The following SPATA20 variants were observed in gnomAD, a reference collection of about 807,000 sequenced individuals.
SPATA20 encodes spermatogenesis associated 20.
In SPATA20, 74 loss-of-function variants were observed where a neutral mutation model predicts 98.9. The ratio of observed to expected loss-of-function variants is 0.75; its 90% CI spans 0.62 to 0.91. SPATA20 has a LOEUF of 0.91. Among genes scored for constraint, SPATA20 ranks in the 40% least tolerant of loss-of-function variants. The probability of loss-of-function intolerance (pLI) is 0.00; values close to 1 mark genes in which losing one functional copy is unlikely to be tolerated. For missense variants in SPATA20, 1,016 were observed against 1,069.8 expected, an observed-to-expected ratio of 0.95 and a Z score of 0.70; for synonymous variants, 430 against 440.5, an observed-to-expected ratio of 0.98 and a Z score of 0.30.
Position 50,551,662 on chromosome 17 carries a change from G to T in SPATA20, c.1728G>T (p.Gly576=). The change falls in exon 13 of 17, where the codon GGG becomes GGT. Residue 576 remains glycine, a synonymous_variant. Coordinates refer to ENST00000006658, the MANE Select transcript of SPATA20 (RefSeq NM_022827.4). ...RLMRTCYTGP[G]GTVEHSNPPC... ...TGCGGACCTGCTACACCGGCCCTGG[G>T]GGGACTGTGGAGCACAGGTTGGGGG... The T allele has an allele frequency of 6.3e-7, 1 of 1,590,964 alleles. No homozygotes were observed. The highest frequency in any genetic ancestry group is 8.6e-7 in the Non-Finnish European group (1 of 1,161,492).
chr17:50,553,499 C>T (rs2035047700), intron 14 of SPATA20, among the ~76,000 whole-genome samples: 1 of 151,632 alleles, frequency 6.6e-6, no homozygotes, highest in African/African-American at 2.4e-5. Flanking sequence ...ACAGGCAGGG[C>T]CCGCGTGTTC....
At position 50,549,975 on chromosome 17, in the gene SPATA20, G is replaced by GC. The variant is rs2034984274; in HGVS notation, c.863-5dup. The GC allele has an allele frequency of 6.5e-7, 1 of 1,529,882 alleles. No individual in the cohort carries two copies. The highest frequency in any genetic ancestry group is 2.0e-5 in the Admixed American group (1 of 49,924). The allele number at this position is 1,529,882 out of a possible 1,614,324, so 94.8% of individuals were successfully genotyped here. Reference sequence around the variant, plus strand: ...ATTCTCTCACCTGCATGTTCTTGGTGCCCCCACAGTGATCCTGAGCTTCCT... The same window carrying GC: ...ATTCTCTCACCTGCATGTTCTTGGTGCCCCCCACAGTGATCCTGAGCTTCCT... On this transcript the variant is annotated splice_polypyrimidine_tract_variant and intron_variant, in intron 7 of 16. Coordinates refer to ENST00000006658, the MANE Select transcript of SPATA20 (RefSeq NM_022827.4).
At chr17:50,549,537 A>G (rs1351325262) in intron 7 of SPATA20, 50 bp downstream of exon 7, 8 of 1,564,476 alleles carry the variant, frequency 5.1e-6, no homozygotes, top group Admixed American at 1.8e-5. Context: ...TCTGATTCCT[A>G]TGCTGGTCAG....
chr17:50,552,725 C>A (rs903260001), intron 14 of SPATA20, among the ~76,000 whole-genome samples: 2 of 151,072 alleles, frequency 1.3e-5, no homozygotes, highest in African/African-American at 4.9e-5. Context: ...CCATGCCTGG[C>A]TAATTTTTTG....
At chr17:50,549,722 C>T (rs1418196608) in intron 7 of SPATA20, among the ~76,000 whole-genome samples, 1 of 152,210 alleles carries the variant, frequency 6.6e-6, no homozygotes, top group Admixed American at 6.5e-5. Flanking sequence ...GTCAGTGACC[C>T]AGTGACCCTG....
chr17:50,548,984 A>T lies in SPATA20; in HGVS notation c.516+20A>T, dbSNP rs2034962424. On this transcript the variant is annotated intron_variant, in intron 5 of 16. Transcript: ENST00000006658. ...GTGCAGGTGAGCAGCCCTCCTCGGG[A>T]GTGTATGCGCCACATGGGCTCAGAG... is the stretch of plus-strand genomic sequence containing the variant. 1 of 1,613,884 alleles carries T rather than the reference A, an allele frequency of 6.2e-7. No individual in the cohort carries two copies. Among genetic ancestry groups the T allele is most frequent in the South Asian group, 1.1e-5 (1 of 91,082 alleles).
Position 50,548,928 on chromosome 17 carries a change from G to A in SPATA20, c.480G>A (p.Arg160=). Reference sequence around the variant, plus strand: ...GTGTGAAGGTAGACCGTGAGGAGCGGCCTGACGTGGACAAGGTGTACATGA... The same window carrying A: ...GTGTGAAGGTAGACCGTGAGGAGCGACCTGACGTGGACAAGGTGTACATGA... ...FVSVKVDREE[R]PDVDKVYMTF... The change falls in exon 5 of 17, where the codon CGG becomes CGA. Residue 160 remains arginine, a synonymous_variant. Coordinates refer to ENST00000006658, the MANE Select transcript of SPATA20 (RefSeq NM_022827.4). 1 of 1,614,176 alleles carries A rather than the reference G, an allele frequency of 6.2e-7. No homozygotes were observed. Among genetic ancestry groups the A allele is most frequent in the Non-Finnish European group, 8.5e-7 (1 of 1,180,006 alleles).
At chr17:50,554,172 C>T in intron 14 of SPATA20, 79 bp from the exon 15 acceptor site, 1 of 1,382,458 alleles carries the variant, frequency 7.2e-7, no homozygotes. Context: ...CCAAGTGGCC[C>T]TGGATACAGT....
At chr17:50,547,851 G>T in intron 2 of SPATA20, 84 bp downstream of exon 2, 2 of 971,480 alleles carry the variant, frequency 2.1e-6, no homozygotes, top group Non-Finnish European at 3.3e-6. Context: ...TACTGATCTT[G>T]GCCTGTCCAG....
chr17:50,550,344 A>G, intron 9 of SPATA20, 32 bp downstream of exon 9: 1 of 1,523,278 alleles, frequency 6.6e-7, no homozygotes, highest in South Asian at 1.2e-5. Context: ...GAGAACAGGC[A>G]TCTCACTCTG....
In SPATA20 at chr17:50,552,010, T is replaced by C; in HGVS notation, c.1787T>C (p.Val596Ala). The part of the protein sequence containing the change: ...CWGFLEDYAF[V>A]VRGLLDLYEA... ...GGCTTCCTGGAGGACTACGCCTTCG[T>C]GGTGCGGGGCCTGCTGGACCTGTAT... is the stretch of plus-strand genomic sequence containing the variant. Residue 596 changes from valine (V) to alanine (A), a missense_variant, in exon 14 of 17, where the codon GTG becomes GCG. Transcript: ENST00000006658. 4.3e-6 allele frequency: 7 copies of C among 1,612,620 alleles called. No homozygotes were observed. Among genetic ancestry groups the C allele is most frequent in the Non-Finnish European group, 5.9e-6 (7 of 1,179,444 alleles).
chr17:50,548,794 C>T lies in SPATA20; in HGVS notation c.362-16C>T, dbSNP rs368010519. 1.2e-6 allele frequency: 2 copies of T among 1,607,654 alleles called. No homozygotes were observed. Among genetic ancestry groups the T allele is most frequent in the Non-Finnish European group, 1.7e-6 (2 of 1,176,606 alleles). ...CCGTTGCTGGCCCCCTGACCTCTCC[C>T]CATGGCCCTGTTCAGTCGGGTACTC... On this transcript the variant is annotated splice_polypyrimidine_tract_variant and intron_variant, in intron 4 of 16. Coordinates refer to ENST00000006658, the MANE Select transcript of SPATA20 (RefSeq NM_022827.4).
chr17:50,552,490 CTTTTT>C (rs550492923), intron 14 of SPATA20, among the ~76,000 whole-genome samples: 100 of 134,976 alleles, frequency 7.4e-4, no homozygotes, highest in African/African-American at 2.9e-3. Flanking sequence ...CCTTTCTTTT[CTTTTT>C]ATTTCCTTTC....
rs1280741192 is a variant in SPATA20 at position 50,554,301 on chromosome 17, C to T, written c.2008C>T (p.Leu670Phe). The T allele has an allele frequency of 6.2e-7, 1 of 1,614,122 alleles. No individual in the cohort carries two copies. Among genetic ancestry groups the T allele is most frequent in the East Asian group, 2.2e-5 (1 of 44,900 alleles). Residue 670 changes from leucine to phenylalanine, a missense_variant, in exon 15 of 17, where the codon CTC becomes TTC. By Grantham distance (22) the Leu-to-Phe change is conservative. Transcript: ENST00000006658. ...CAATTCCGTGTCAGCCCACAACCTG[C>T]TCCGGCTGCATGGCTTCACGGGCCA... Reference protein sequence around the residue: ...SANSVSAHNLLRLHGFTGHKD... With the variant: ...SANSVSAHNLFRLHGFTGHKD...
intron 9 of SPATA20, 54 bp downstream of exon 9, chr17:50,550,366 C>G (rs147159001): frequency 5.5e-6 from 8 of 1,442,456 alleles, no homozygotes; most frequent in Non-Finnish European, 7.7e-6. Context: ...CTGCCCCTCC[C>G]AAGGCCTTCC....
At chr17:50,550,946 C>T (rs760417082) in intron 11 of SPATA20, 29 bp downstream of exon 11, 31 of 1,611,574 alleles carry the variant, frequency 1.9e-5, no homozygotes, top group Non-Finnish European at 2.6e-5. Context: ...ACCTGACGGG[C>T]CCTGGTGCCT....
At chr17:50,550,450 C>A (rs931534341) in intron 9 of SPATA20, 86 bp from the exon 10 acceptor site, 8 of 1,444,828 alleles carry the variant, frequency 5.5e-6, no homozygotes, top group Middle Eastern at 1.7e-4. Context: ...TTCCCTCCCC[C>A]GCCTGCCTCA....
At chr17:50,552,737 A>T (rs1032804185) in intron 14 of SPATA20, among the ~76,000 whole-genome samples, 3 of 150,286 alleles carry the variant, frequency 2.0e-5, no homozygotes, top group African/African-American at 7.3e-5. Context: ...AATTTTTTGT[A>T]GAGATGGGAT....
Position 50,548,282 on chromosome 17 carries a change from G to C in SPATA20, c.126-1G>C, listed in dbSNP as rs59236312. Reference sequence around the variant, plus strand: ...TTGCCTGATGCACCAGTCCTCGCCAGGGGTAGCTCCTCCCGGGACAAGGAC... The same window carrying C: ...TTGCCTGATGCACCAGTCCTCGCCACGGGTAGCTCCTCCCGGGACAAGGAC... On this transcript the variant is annotated splice_acceptor_variant, in intron 2 of 16. Coordinates refer to ENST00000006658, the MANE Select transcript of SPATA20 (RefSeq NM_022827.4). LOFTEE classifies it high-confidence loss of function. 2.9e-4 allele frequency: 464 copies of C among 1,613,102 alleles called. 1 individual carries two copies. The African/African-American group carries it at 5.5e-3, about 19-fold the overall frequency.
Sources: gnomAD v4.1 joint callset for allele counts (sites outside exome capture counted in the v4.1 genomes callset) on GRCh38, gnomAD v4.1.1 for gene constraint, MANE v1.5 for transcripts, NCBI Gene and HGNC (gene_info 2026-07-23, HGNC 2026-07-21) for gene names.